CDH4: variants seen among roughly 807,000 people sequenced by gnomAD.
CDH4 encodes the protein cadherin 4, also known as cadherin-4.
A neutral mutation model predicts 86.0 loss-of-function variants in CDH4; 33 were observed. The ratio of observed to expected loss-of-function variants is 0.38; its 90% CI spans 0.29 to 0.51. The LOEUF (loss-of-function observed/expected upper bound fraction) is 0.51, where lower values mean the gene tolerates loss of function less well. CDH4 is among the 20% of genes least tolerant of loss of function. The pLI, the probability that CDH4 is intolerant of heterozygous loss-of-function variation, is 0.86. For synonymous variants in CDH4, 555 were observed against 549.4 expected (o/e 1.01, Z -0.14); for missense variants, 1,114 against 1,307.4 (o/e 0.85, Z 2.28).
At chr20:61,289,283 G>A (rs1483684158) in intron 2 of CDH4, among the ~76,000 whole-genome samples, 1 of 152,154 alleles carries the variant, frequency 6.6e-6, no homozygotes, top group African/African-American at 2.4e-5. Context: ...TCTATGGGTA[G>A]GGACACCAAA....
At chr20:61,337,608 T>G (rs969658376) in intron 2 of CDH4, among the ~76,000 whole-genome samples, 1 of 152,124 alleles carries the variant, frequency 6.6e-6, no homozygotes, top group Non-Finnish European at 1.5e-5. Context: ...AGTATTTCCT[T>G]AAAGAGTTTT....
At chr20:61,874,595 C>T (rs374991056) in intron 7 of CDH4, among the ~76,000 whole-genome samples, 2 of 152,308 alleles carry the variant, frequency 1.3e-5, no homozygotes, top group Non-Finnish European at 2.9e-5. Flanking sequence ...TTGTCAAGTG[C>T]AGGCGCATCT....
At chr20:61,313,877 C>T (rs984440758) in intron 2 of CDH4, among the ~76,000 whole-genome samples, 11 of 152,180 alleles carry the variant, frequency 7.2e-5, no homozygotes, top group African/African-American at 1.7e-4. Context: ...GCTAGGACTA[C>T]AGGTGCACAC....
At chr20:61,707,353 G>A (rs970932283) in intron 2 of CDH4, among the ~76,000 whole-genome samples, 2 of 152,262 alleles carry the variant, frequency 1.3e-5, no homozygotes. Flanking sequence ...GCTTTGCGCG[G>A]CTTGGACAGT....
chr20:61,514,760 G>T (rs2085806176), intron 2 of CDH4, among the ~76,000 whole-genome samples: 1 of 152,254 alleles, frequency 6.6e-6, no homozygotes, highest in African/African-American at 2.4e-5. Context: ...TAGATTTATT[G>T]TGCCTCTCAA....
At chr20:61,286,208 C>A (rs748757843) in intron 2 of CDH4, among the ~76,000 whole-genome samples, 1 of 152,230 alleles carries the variant, frequency 6.6e-6, no homozygotes, top group Non-Finnish European at 1.5e-5. Flanking sequence ...CCAGATCTGG[C>A]CCCGCTTTCT....
At chr20:61,360,644 A>G (rs2084778593) in intron 2 of CDH4, among the ~76,000 whole-genome samples, 1 of 152,186 alleles carries the variant, frequency 6.6e-6, no homozygotes, top group African/African-American at 2.4e-5. Context: ...ACATGTGGCA[A>G]TGGAGGGAAG....
rs1346614078 is a variant in CDH4, at chr20:61,516,580, A to C, written c.170-226983A>C. Among the ~76,000 whole-genome samples the C allele has an allele frequency of 1.3e-5, 2 of 152,174 alleles. No homozygotes were observed. The highest frequency in any genetic ancestry group is 2.9e-5 in the Non-Finnish European group (2 of 68,032). On this transcript the variant is annotated intron_variant, in intron 2 of 15. Coordinates refer to ENST00000614565, the MANE Select transcript of CDH4 (RefSeq NM_001794.5). This position sits in a 1 kb window ranked among gnomAD's most constrained non-coding sequence, Gnocchi z 4.0. ...CTGCCCCCCTGAGTCACAGCATCAC[A>C]GAAAACAGTTTACAAGGTCATCTGG...
chr20:61,591,346 CTG>C (rs1201978223), intron 2 of CDH4, among the ~76,000 whole-genome samples: 1 of 152,202 alleles, frequency 6.6e-6, no homozygotes, highest in Admixed American at 6.5e-5. Flanking sequence ...TGAAAACAAA[CTG>C]TGTTTTCCAA....
At chr20:61,844,917 C>T in intron 5 of CDH4, 94 bp downstream of exon 5, 2 of 1,270,904 alleles carry the variant, frequency 1.6e-6, no homozygotes, top group Non-Finnish European at 2.2e-6. Flanking sequence ...GCCATGCCTG[C>T]CCTAACTCTA....
intron 4 of CDH4, among the ~76,000 whole-genome samples, chr20:61,843,908 G>A (rs1982302324): frequency 6.6e-6 from 1 of 152,152 alleles, no homozygotes; most frequent in Admixed American, 6.5e-5. Context: ...CAACTTCCCT[G>A]AGGGAACCCC....
chr20:61,256,063 A>G (rs1341533768), intron 2 of CDH4, among the ~76,000 whole-genome samples: 2 of 152,226 alleles, frequency 1.3e-5, no homozygotes, highest in African/African-American at 4.8e-5. Context: ...CAGGGCATAC[A>G]TAGTAAAGAG....
chr20:61,600,438 G>A (rs1440206059), intron 2 of CDH4, among the ~76,000 whole-genome samples: 2 of 152,216 alleles, frequency 1.3e-5, no homozygotes, highest in Non-Finnish European at 2.9e-5. Context: ...CTGGGGCCTT[G>A]AGGGAGTCAC....
At chr20:61,445,443 G>T (rs1328752027) in intron 2 of CDH4, among the ~76,000 whole-genome samples, 1 of 152,204 alleles carries the variant, frequency 6.6e-6, no homozygotes, top group Non-Finnish European at 1.5e-5. Context: ...CACAGTGAGG[G>T]CCCTCTGAGG....
intron 14 of CDH4, 82 bp downstream of exon 14, chr20:61,933,206 G>T: frequency 6.6e-7 from 1 of 1,524,594 alleles, no homozygotes; most frequent in Non-Finnish European, 8.9e-7. Context: ...TTGCCCTGGG[G>T]TTTAACAGTA....
At chr20:61,285,081 TTTTGTTTG>T (rs111577695) in intron 2 of CDH4, among the ~76,000 whole-genome samples, 4 of 149,348 alleles carry the variant, frequency 2.7e-5, no homozygotes, top group African/African-American at 7.6e-5. Flanking sequence ...TGTTTTTTTT[TTTTGTTTG>T]TTTGTTTGTT....
At chr20:61,743,842 C>T in intron 3 of CDH4, 53 bp downstream of exon 3, 1 of 1,342,018 alleles carries the variant, frequency 7.5e-7, no homozygotes, top group Non-Finnish European at 1.0e-6. Context: ...CTAGTTCCTC[C>T]TGCAGGCCCT....
At chr20:61,343,483 C>A (rs7261942) in intron 2 of CDH4, among the ~76,000 whole-genome samples, 41,754 of 152,124 alleles carry the variant, frequency 0.27, 6,728 homozygotes, top group African/African-American at 0.46. Context: ...GGAGCCCAGG[C>A]GGCTCTCAAG....
intron 4 of CDH4, among the ~76,000 whole-genome samples, chr20:61,842,587 T>A (rs977849800): frequency 6.6e-6 from 1 of 152,266 alleles, no homozygotes; most frequent in Admixed American, 6.5e-5. Context: ...AATTTTCACC[T>A]ATGCTTGCAT....
Sources: gnomAD v4.1 joint callset for allele counts (sites outside exome capture counted in the v4.1 genomes callset) on GRCh38, gnomAD v4.1.1 for gene constraint, Gnocchi (gnomAD v3.1) non-coding constraint, MANE v1.5 for transcripts, NCBI Gene and HGNC (gene_info 2026-07-23, HGNC 2026-07-21) for gene names.